CCDC152: variants seen among roughly 807,000 people sequenced by gnomAD.
CCDC152 encodes coiled-coil domain containing 152.
In CCDC152, 37 loss-of-function variants were observed where a neutral mutation model predicts 38.1. That is an observed-to-expected ratio of 0.97 (90% confidence interval 0.75 to 1.28). The LOEUF (loss-of-function observed/expected upper bound fraction) is 1.28. Ranked by LOEUF, CCDC152 falls within the 50% of genes most tolerant of loss-of-function variation. The probability of loss-of-function intolerance (pLI) is 0.00; values close to 1 mark genes in which losing one functional copy is unlikely to be tolerated. For missense variants in CCDC152, 259 were observed against 292.1 expected (o/e 0.89, Z 0.83); for synonymous variants, 83 against 87.1 (o/e 0.95, Z 0.26).
chr5:42,759,031 G>A, intron 1 of CCDC152, 89 bp from the exon 2 acceptor site: 1 of 919,212 alleles, frequency 1.1e-6, no homozygotes, highest in Non-Finnish European at 1.6e-6. Flanking sequence ...GTTGAATATA[G>A]AAATGTTAGT....
intron 7 of CCDC152, among the ~76,000 whole-genome samples, chr5:42,797,449 C>T (rs976452473): frequency 2.6e-5 from 4 of 152,148 alleles, no homozygotes; most frequent in Admixed American, 6.5e-5. Flanking sequence ...CTCCAACTTA[C>T]TAATTCTATC....
intron 6 of CCDC152, among the ~76,000 whole-genome samples, chr5:42,788,871 G>A (rs534841433): frequency 6.6e-5 from 10 of 152,234 alleles, no homozygotes; most frequent in Non-Finnish European, 1.0e-4. Flanking sequence ...CAGGTTCCCC[G>A]TACTTGCCAA....
At position 42,791,480 on chromosome 5, in the gene CCDC152, A is replaced by C. The variant is rs116019947; in HGVS notation, c.431-5349A>C. On this transcript the variant is annotated intron_variant, in intron 6 of 8. Transcript: ENST00000361970. ...ACTGAATTTTTTGTGATACTTTTTT[A>C]CCCCTCACCAGCACATTTCTGGTGG... is the stretch of plus-strand genomic sequence containing the variant. Among the ~76,000 whole-genome samples the C allele has an allele frequency of 8.0e-3, 1,220 of 152,044 alleles. 17 individuals are homozygous for C. Among genetic ancestry groups the C allele is most frequent in the Middle Eastern group, 0.034 (10 of 294 alleles).
chr5:42,783,769 AGT>A (rs1759880383), intron 6 of CCDC152, among the ~76,000 whole-genome samples, 193 bp downstream of exon 6: 1 of 74,486 alleles, frequency 1.3e-5, no homozygotes, highest in Admixed American at 2.2e-4. Context: ...TGGAGTTCCC[AGT>A]GTCTATGGTT....
In CCDC152 at chr5:42,792,005, C is replaced by T. The variant is rs1253002578; in HGVS notation, c.431-4824C>T. Among the ~76,000 whole-genome samples, 3 of 152,192 alleles carry T rather than the reference C, an allele frequency of 2.0e-5. No homozygotes were observed. In the East Asian group the frequency reaches 5.8e-4, roughly 29 times the overall value. On this transcript the variant is annotated intron_variant, in intron 6 of 8. Transcript: ENST00000361970. ...TAACAGCCAAAAGAGGAGATCGAGGCAGCTTCTGAGAGCAGCCTCTGCATC... is the reference window on the plus strand; with the variant it reads ...TAACAGCCAAAAGAGGAGATCGAGGTAGCTTCTGAGAGCAGCCTCTGCATC...
intron 4 of CCDC152, among the ~76,000 whole-genome samples, chr5:42,772,971 A>G (rs1759720778): frequency 6.6e-6 from 1 of 152,172 alleles, no homozygotes; most frequent in Non-Finnish European, 1.5e-5. Flanking sequence ...GATCGCATCC[A>G]AGCTCCAAGG....
Position 42,800,605 on chromosome 5 carries a change from C to T in CCDC152, c.*824C>T. ...TGGAAGCCAATTCAGTAGATTTCTC[C>T]ATGTTTGCACAAATCTAATTTCTAT... On this transcript the variant is annotated 3_prime_UTR_variant, in exon 9 of 9. Coordinates refer to ENST00000361970, the MANE Select transcript of CCDC152 (RefSeq NM_001134848.2). 1 of 1,264,238 alleles carries T rather than the reference C, an allele frequency of 7.9e-7. No individual in the cohort carries two copies. Among genetic ancestry groups the T allele is most frequent in the Non-Finnish European group, 1.1e-6 (1 of 927,468 alleles). 78.3% of individuals were successfully genotyped at this position (1,264,238 alleles called of 1,614,324 possible). A position where few individuals can be genotyped will look rare whatever the true frequency, so the allele number is the denominator to read the frequency against.
intron 6 of CCDC152, among the ~76,000 whole-genome samples, chr5:42,787,852 G>C (rs1196050137): frequency 6.6e-6 from 1 of 152,142 alleles, no homozygotes; most frequent in African/African-American, 2.4e-5. Context: ...ATTACACATA[G>C]GATGGGTCTC....
At position 42,801,773 on chromosome 5, in the gene CCDC152, T is replaced by G. The variant is rs949364467; in HGVS notation, c.*1992T>G. On this transcript the variant is annotated 3_prime_UTR_variant, in exon 9 of 9. Coordinates refer to ENST00000361970, the MANE Select transcript of CCDC152 (RefSeq NM_001134848.2). ...CTCTGCAAAATATACAAAAATTAGC[T>G]GGGTGTGGTGTCAGATGCCTGTAGT... 1.2e-5 allele frequency: 2 copies of G among 163,578 alleles called. No individual in the cohort carries two copies. Among genetic ancestry groups the G allele is most frequent in the African/African-American group, 4.8e-5 (2 of 41,852 alleles). 10.1% of individuals were successfully genotyped at this position (163,578 alleles called of 1,614,324 possible). A position where few individuals can be genotyped will look rare whatever the true frequency, so the allele number is the denominator to read the frequency against.
At position 42,800,070 on chromosome 5, in the gene CCDC152, C is replaced by T; in HGVS notation, c.*289C>T. 7.4e-6 allele frequency: 2 copies of T among 271,926 alleles called. No homozygotes were observed. Among genetic ancestry groups the T allele is most frequent in the Non-Finnish European group, 1.4e-5 (2 of 146,576 alleles). 16.8% of individuals were successfully genotyped at this position (271,926 alleles called of 1,614,324 possible). A position where few individuals can be genotyped will look rare whatever the true frequency, so the allele number is the denominator to read the frequency against. On this transcript the variant is annotated 3_prime_UTR_variant, in exon 9 of 9. Transcript: ENST00000361970. Reference sequence around the variant, plus strand: ...AGAGACAGACAATATTATCTTTCCCCTTATATCTTTTAAGACAGCCACTCA... The same window carrying T: ...AGAGACAGACAATATTATCTTTCCCTTTATATCTTTTAAGACAGCCACTCA...
rs773514317 is a variant in CCDC152, at chr5:42,799,397, T to C, written c.581T>C (p.Val194Ala). The part of the protein sequence containing the change: ...QLEFDAKLAR[V>A]QTKSKSYQDS... Reference sequence around the variant, plus strand: ...CAGTTTGATGCCAAACTAGCAAGAGTTCAGACTAAATCAAAATCATATCAG... The same window carrying C: ...CAGTTTGATGCCAAACTAGCAAGAGCTCAGACTAAATCAAAATCATATCAG... Residue 194 changes from valine to alanine, a missense_variant, in exon 8 of 9, where the codon GTT becomes GCT. Transcript: ENST00000361970. The C allele has an allele frequency of 2.6e-6, 4 of 1,542,654 alleles. No individual in the cohort carries two copies. Among genetic ancestry groups the C allele is most frequent in the Non-Finnish European group, 3.5e-6 (4 of 1,141,974 alleles).
At chr5:42,773,026 T>C (rs1268847898) in intron 4 of CCDC152, among the ~76,000 whole-genome samples, 1 of 152,242 alleles carries the variant, frequency 6.6e-6, no homozygotes, top group East Asian at 1.9e-4. Context: ...AGATGGACTA[T>C]GTTCTTCTGG....
chr5:42,765,085 A>T (rs551229706), intron 3 of CCDC152, among the ~76,000 whole-genome samples: 1 of 152,242 alleles, frequency 6.6e-6, no homozygotes, highest in African/African-American at 2.4e-5. Flanking sequence ...CAGAATACAA[A>T]ATCAACATAC....
intron 2 of CCDC152, among the ~76,000 whole-genome samples, chr5:42,761,484 G>A (rs1002147281): frequency 1.3e-5 from 2 of 152,028 alleles, no homozygotes; most frequent in Admixed American, 6.6e-5. Flanking sequence ...GTGTGGTGGC[G>A]TGCCCCTGTA....
rs572776992 is a variant in CCDC152 at position 42,774,394 on chromosome 5, GT to G, written c.262+4730del. ...TGTTGTTGGCTGGAGGAGAAGAAAA[GT>G]AACCATTTTGAAATAATCCACAGCT... On this transcript the variant is annotated intron_variant, in intron 4 of 8. Coordinates refer to ENST00000361970, the MANE Select transcript of CCDC152 (RefSeq NM_001134848.2). Among the ~76,000 whole-genome samples the G allele has an allele frequency of 1.6e-3, 246 of 152,270 alleles. 2 individuals are homozygous for G. The highest frequency in any genetic ancestry group is 1.1e-3 in the Non-Finnish European group (77 of 68,012).
chr5:42,761,205 G>C (rs981197063), intron 2 of CCDC152, among the ~76,000 whole-genome samples: 3 of 152,186 alleles, frequency 2.0e-5, no homozygotes, highest in African/African-American at 7.2e-5. Flanking sequence ...ATATGGTCAA[G>C]AATGTTTAAC....
chr5:42,764,196 G>C (rs1329783245), intron 3 of CCDC152, among the ~76,000 whole-genome samples: 3 of 152,110 alleles, frequency 2.0e-5, no homozygotes, highest in Admixed American at 6.5e-5. Flanking sequence ...TGGATCACGA[G>C]GTCAGGAGTT....
intron 4 of CCDC152, among the ~76,000 whole-genome samples, chr5:42,775,409 G>A (rs960337661): frequency 2.0e-5 from 3 of 152,188 alleles, no homozygotes; most frequent in Non-Finnish European, 4.4e-5. Flanking sequence ...TAAAGGAGTA[G>A]AGTGAAATAT....
At chr5:42,769,327 C>A (rs1759667929) in intron 3 of CCDC152, among the ~76,000 whole-genome samples, 1 of 151,016 alleles carries the variant, frequency 6.6e-6, no homozygotes, top group African/African-American at 2.4e-5. Context: ...CTTGTAATTT[C>A]AAATTAAATA....
Sources: allele counts gnomAD v4.1 joint callset (sites outside exome capture counted in the v4.1 genomes callset), GRCh38; gene constraint gnomAD v4.1.1; transcripts MANE v1.5; gene names NCBI Gene and HGNC (gene_info 2026-07-23, HGNC 2026-07-21).